The following TTC17 variants were observed in gnomAD, a reference collection of about 807,000 sequenced individuals.
TTC17 encodes the protein tetratricopeptide repeat protein 17.
TTC17 carries 58 observed loss-of-function variants against 143.8 expected under a neutral mutation model. That is an observed-to-expected ratio of 0.40 (90% CI 0.33 to 0.50). The LOEUF (loss-of-function observed/expected upper bound fraction) is 0.50, where lower values mean the gene tolerates loss of function less well. TTC17 is among the 20% of genes least tolerant of loss of function. The pLI is 0.49. For missense variants in TTC17, 1,273 were observed against 1,392.5 expected, an observed-to-expected ratio of 0.91 and a Z score of 1.37; for synonymous variants, 501 against 497.8, an observed-to-expected ratio of 1.01 and a Z score of -0.09.
intron 21 of TTC17, among the ~76,000 whole-genome samples, chr11:43,477,463 G>A (rs906290888): frequency 1.3e-5 from 2 of 152,182 alleles, no homozygotes; most frequent in African/African-American, 4.8e-5. Flanking sequence ...GGTTTAATTG[G>A]TCTTACAGTT....
At chr11:43,478,177 T>A (rs1264446882) in intron 21 of TTC17, among the ~76,000 whole-genome samples, 1 of 152,206 alleles carries the variant, frequency 6.6e-6, no homozygotes, top group African/African-American at 2.4e-5. Context: ...ATAACCCTAT[T>A]TCTTCTACAA....
At chr11:43,363,072 G>C (rs550269145) in intron 1 of TTC17, among the ~76,000 whole-genome samples, 75 of 152,182 alleles carry the variant, frequency 4.9e-4, no homozygotes, top group African/African-American at 1.7e-3. Context: ...ATTTAAGCAG[G>C]GGTCCTTAAC....
At position 43,490,228 on chromosome 11, in the gene TTC17, T is replaced by G. The variant is rs777819156; in HGVS notation, c.3031-11T>G. 6.2e-7 allele frequency: 1 copy of G among 1,600,132 alleles called. No individual in the cohort carries two copies. The highest frequency in any genetic ancestry group is 8.5e-7 in the Non-Finnish European group (1 of 1,170,628). Reference sequence around the variant, plus strand: ...GAAAGGACACCAGCCTTGGCTAACATTCCTTTGCAGAACCAGACGTCCTGG... The same window carrying G: ...GAAAGGACACCAGCCTTGGCTAACAGTCCTTTGCAGAACCAGACGTCCTGG... On this transcript the variant is annotated splice_polypyrimidine_tract_variant and intron_variant, in intron 21 of 23. Coordinates refer to ENST00000039989, the MANE Select transcript of TTC17 (RefSeq NM_018259.6).
At chr11:43,413,000 ACACACAC>A (rs1406009409) in intron 15 of TTC17, among the ~76,000 whole-genome samples, 4 of 148,128 alleles carry the variant, frequency 2.7e-5, no homozygotes, top group Admixed American at 1.3e-4. Flanking sequence ...ACACACACAC[ACACACAC>A]ACACACACAC....
intron 2 of TTC17, among the ~76,000 whole-genome samples, chr11:43,380,701 GAATT>G (rs1366031462): frequency 5.3e-5 from 8 of 152,192 alleles, no homozygotes; most frequent in Admixed American, 2.6e-4. Context: ...AAAAATCTGT[GAATT>G]AAGAGAGAGA....
At position 43,485,705 on chromosome 11, in the gene TTC17, A is replaced by G. The variant is rs117793434; in HGVS notation, c.3031-4534A>G. 8.4e-3 allele frequency among the ~76,000 whole-genome samples: 1,283 copies of G among 152,236 alleles called. 12 individuals carry two copies. Among genetic ancestry groups the G allele is most frequent in the Middle Eastern group, 0.02 (6 of 294 alleles). ...GAATAAATATGAGAAACAATTCTCAATCTCACTAGTGATCAGGAAATGCAA... is the reference window on the plus strand; with the variant it reads ...GAATAAATATGAGAAACAATTCTCAGTCTCACTAGTGATCAGGAAATGCAA... On this transcript the variant is annotated intron_variant, in intron 21 of 23. Coordinates refer to ENST00000039989, the MANE Select transcript of TTC17 (RefSeq NM_018259.6).
intron 16 of TTC17, among the ~76,000 whole-genome samples, chr11:43,429,896 T>C (rs1947115347): frequency 6.6e-6 from 1 of 152,130 alleles, no homozygotes; most frequent in Non-Finnish European, 1.5e-5. Context: ...GACTGTAGAG[T>C]ATAATATAAG....
rs781437584 is a variant in TTC17 at position 43,473,882 on chromosome 11, CAA to C, written c.3031-16341_3031-16340del. 8.4e-3 allele frequency among the ~76,000 whole-genome samples: 511 copies of C among 60,616 alleles called. 1 individual carries two copies. Among genetic ancestry groups the C allele is most frequent in the African/African-American group, 0.028 (453 of 16,416 alleles). 39.8% of individuals were successfully genotyped at this position (60,616 alleles called of 152,430 possible). A position where few individuals can be genotyped will look rare whatever the true frequency, so the allele number is the denominator to read the frequency against. ...TGGGCAACAGAATGAGACTCTGTCT[CAA>C]AAAAAAAAAAAAAAAGAAAGAAAGA... On this transcript the variant is annotated intron_variant, in intron 21 of 23. Transcript: ENST00000039989.
rs796264614 is a variant in TTC17 at position 43,435,370 on chromosome 11, A to C, written c.2252-7955A>C. ...AGAACTAATCAAGGGTAGTCAAAGGAGGGACAGATGTCAGCCAGATTGCTG... is the reference window on the plus strand; with the variant it reads ...AGAACTAATCAAGGGTAGTCAAAGGCGGGACAGATGTCAGCCAGATTGCTG... On this transcript the variant is annotated intron_variant, in intron 16 of 23. Coordinates refer to ENST00000039989, the MANE Select transcript of TTC17 (RefSeq NM_018259.6). 5.3e-5 allele frequency: 8 copies of C among 152,368 alleles called. No individual in the cohort carries two copies. The South Asian group carries it at 1.5e-3, about 28-fold the overall frequency. The allele number at this position is 152,368 out of a possible 1,614,324, so 9.4% of individuals were successfully genotyped here. A position where few individuals can be genotyped will look rare whatever the true frequency, so the allele number is the denominator to read the frequency against.
intron 21 of TTC17, among the ~76,000 whole-genome samples, chr11:43,481,068 A>C (rs1370734171): frequency 1.3e-5 from 2 of 150,454 alleles, no homozygotes; most frequent in Non-Finnish European, 3.0e-5. Flanking sequence ...GGTAGTAGGC[A>C]TAGTTATATT....
intron 5 of TTC17, chr11:43,396,091 T>C (rs1275260377): frequency 6.6e-6 from 1 of 152,146 alleles, no homozygotes; most frequent in Non-Finnish European, 1.5e-5. Flanking sequence ...CTAAAGTTAA[T>C]AATATTCAGT....
intron 21 of TTC17, among the ~76,000 whole-genome samples, chr11:43,477,144 C>G (rs972365287): frequency 3.3e-5 from 5 of 152,200 alleles, no homozygotes; most frequent in African/African-American, 1.2e-4. Flanking sequence ...CACCTTTGCT[C>G]CAGTTCCCAA....
At chr11:43,433,655 G>T (rs2134690420) in intron 16 of TTC17, among the ~76,000 whole-genome samples, 1 of 152,248 alleles carries the variant, frequency 6.6e-6, no homozygotes, top group Non-Finnish European at 1.5e-5. Flanking sequence ...TATTGCATAA[G>T]TTTAAAAAGA....
intron 1 of TTC17, among the ~76,000 whole-genome samples, chr11:43,375,709 T>C (rs189188013): frequency 6.6e-6 from 1 of 152,154 alleles, no homozygotes; most frequent in East Asian, 1.9e-4. Context: ...AGAGCTTGAA[T>C]TAATGTTACA....
chr11:43,404,033 T>C lies in TTC17; in HGVS notation c.1368T>C (p.Ser456=). 1 of 1,612,350 alleles carries C rather than the reference T, an allele frequency of 6.2e-7. No individual in the cohort carries two copies. Among genetic ancestry groups the C allele is most frequent in the Non-Finnish European group, 8.5e-7 (1 of 1,179,188 alleles). ...ATTCATCAACCTCCAGTATGATGTC[T>C]GTGAACTTTGATGTTCAATCAAATC... ...GEDSSTSSMM[S]VNFDVQSNQS... The change falls in exon 11 of 24, where the codon TCT becomes TCC. Residue 456 remains serine (S), a synonymous_variant. Transcript: ENST00000039989.
At position 43,401,428 on chromosome 11, in the gene TTC17, T is replaced by C. The variant is rs993764068; in HGVS notation, c.1220-18T>C. The C allele has an allele frequency of 1.3e-6, 2 of 1,567,224 alleles. No individual in the cohort carries two copies. The highest frequency in any genetic ancestry group is 3.4e-4 in the Middle Eastern group (2 of 5,940). ...TTGACCTTGCTCATCATTTGTGTAA[T>C]TTCCTTTCTTATTCCAGGAAATCAT... On this transcript the variant is annotated intron_variant, in intron 9 of 23. Transcript: ENST00000039989.
chr11:43,444,144 A>G lies in TTC17; in HGVS notation c.2600A>G (p.Asn867Ser). ...GKKVETGQIE[N>S]GHRYQANLEI... is the part of the protein sequence containing the mutation. ...AAAGTAGAAACAGGTCAGATAGAAA[A>G]TGGACATCGTTACCAAGCAAACCTA... The change falls in exon 18 of 24, where the codon AAT becomes AGT. Residue 867 changes from asparagine (N) to serine (S), a missense_variant. By Grantham distance (46) the Asn-to-Ser change is conservative (BLOSUM62 1). This residue lies in a region of TTC17 where 878 missense variants were observed against 899.8 expected (regional missense o/e 0.98). Transcript: ENST00000039989. 1 of 1,613,436 alleles carries G rather than the reference A, an allele frequency of 6.2e-7. No individual in the cohort carries two copies. The highest frequency in any genetic ancestry group is 8.5e-7 in the Non-Finnish European group (1 of 1,179,670).
At chr11:43,483,837 A>G (rs1416469015) in intron 21 of TTC17, among the ~76,000 whole-genome samples, 1 of 152,198 alleles carries the variant, frequency 6.6e-6, no homozygotes, top group Non-Finnish European at 1.5e-5. Context: ...TAGCAAGTAT[A>G]GTAAATCAAT....
At chr11:43,380,003 CTG>C (rs544817017) in intron 2 of TTC17, among the ~76,000 whole-genome samples, 160 of 151,564 alleles carry the variant, frequency 1.1e-3, no homozygotes, top group African/African-American at 3.4e-3. Context: ...TGTAAATAAA[CTG>C]TAAGTTGTAG....
Sources: gnomAD v4.1 joint callset for allele counts (sites outside exome capture counted in the v4.1 genomes callset) on GRCh38, gnomAD v4.1.1 for gene constraint, gnomAD v4.1.1 regional missense constraint, MANE v1.5 for transcripts, NCBI Gene and HGNC (gene_info 2026-07-23, HGNC 2026-07-21) for gene names.